Variants in RUNDC3B observed in about 807,000 individuals in gnomAD.
RUNDC3B encodes RUN domain containing 3B, also known as RUN domain-containing protein 3B.
In RUNDC3B, 33 loss-of-function variants were observed where a neutral mutation model predicts 58.4. That is an observed-to-expected ratio of 0.56 (90% CI 0.43 to 0.75). RUNDC3B has a LOEUF of 0.75. Ranked by LOEUF, RUNDC3B falls within the 30% of genes least tolerant of loss-of-function variation. The probability of loss-of-function intolerance (pLI) is 0.00; values close to 1 mark genes in which losing one functional copy is unlikely to be tolerated. For missense variants in RUNDC3B, 501 were observed against 535.7 expected, an observed-to-expected ratio of 0.94 and a Z score of 0.64; for synonymous variants, 193 against 195.2, an observed-to-expected ratio of 0.99 and a Z score of 0.10.
chr7:87,700,678 C>T lies in RUNDC3B; in HGVS notation c.372+124C>T, dbSNP rs1828952002. 4 of 842,268 alleles carry T rather than the reference C, an allele frequency of 4.7e-6. No homozygotes were observed. In the South Asian group the frequency reaches 7.5e-5, roughly 16 times the overall value. 52.2% of individuals were successfully genotyped at this position (842,268 alleles called of 1,614,324 possible). On this transcript the variant is annotated intron_variant, in intron 3 of 10. Coordinates refer to ENST00000394654, the MANE Select transcript of RUNDC3B (RefSeq NM_001134405.2). ...CTTAAGAAGCATAATAAAATACGTC[C>T]TGTTCTGTGATGTTTCTACATTTCT...
chr7:87,644,385 C>G (rs185465657), intron 1 of RUNDC3B, among the ~76,000 whole-genome samples: 9 of 152,242 alleles, frequency 5.9e-5, no homozygotes, highest in Admixed American at 2.6e-4. Flanking sequence ...ATTACCTCAC[C>G]CCTGTGTTAG....
At chr7:87,817,342 G>A (rs1193523235) in intron 10 of RUNDC3B, among the ~76,000 whole-genome samples, 1 of 152,158 alleles carries the variant, frequency 6.6e-6, no homozygotes, top group Non-Finnish European at 1.5e-5. Flanking sequence ...AGCAATCAGT[G>A]ACCTTTAAAA....
chr7:87,651,318 TA>T (rs2130375668), intron 2 of RUNDC3B, among the ~76,000 whole-genome samples: 1 of 152,264 alleles, frequency 6.6e-6, no homozygotes, highest in Admixed American at 6.5e-5. Flanking sequence ...GGTATCTTTG[TA>T]AATGTTTTAG....
At chr7:87,745,139 A>AAGCATCCC (rs1207853016) in intron 6 of RUNDC3B, among the ~76,000 whole-genome samples, 1 of 152,152 alleles carries the variant, frequency 6.6e-6, no homozygotes, top group Non-Finnish European at 1.5e-5. Context: ...GCATATGTTA[A>AAGCATCCC]AGCATCCCTG....
intron 3 of RUNDC3B, among the ~76,000 whole-genome samples, chr7:87,709,796 T>G (rs577908834): frequency 6.6e-6 from 1 of 152,266 alleles, no homozygotes; most frequent in African/African-American, 2.4e-5. Flanking sequence ...TTTTAGAGAT[T>G]TGTGAAAGAG....
At chr7:87,795,105 A>G (rs1459252788) in intron 8 of RUNDC3B, among the ~76,000 whole-genome samples, 2 of 152,224 alleles carry the variant, frequency 1.3e-5, no homozygotes. Context: ...AGCATAGGCA[A>G]CCAAAGCAAA....
At chr7:87,709,181 G>T (rs1036625048) in intron 3 of RUNDC3B, 5 of 883,712 alleles carry the variant, frequency 5.7e-6, no homozygotes, top group African/African-American at 3.6e-5. Context: ...GTTTTGTATG[G>T]ATTGAAATTA....
intron 2 of RUNDC3B, among the ~76,000 whole-genome samples, chr7:87,673,479 A>G (rs1826032042): frequency 6.6e-6 from 1 of 152,120 alleles, no homozygotes; most frequent in Admixed American, 6.5e-5. Flanking sequence ...AAGCATTGAG[A>G]TTCTTTCCTC....
intron 8 of RUNDC3B, among the ~76,000 whole-genome samples, chr7:87,800,642 T>C (rs887505628): frequency 6.6e-6 from 1 of 150,748 alleles, no homozygotes; most frequent in Non-Finnish European, 1.5e-5. Context: ...TCTCCACTCA[T>C]CTTTTCTTTT....
In RUNDC3B at chr7:87,786,297, A is replaced by C. The variant is rs187272861; in HGVS notation, c.956+8342A>C. Among the ~76,000 whole-genome samples, 913 of 152,318 alleles carry C rather than the reference A, an allele frequency of 6.0e-3. 15 individuals carry two copies. The highest frequency in any genetic ancestry group is 4.1e-3 in the Non-Finnish European group (276 of 68,020). On this transcript the variant is annotated intron_variant, in intron 8 of 10. Transcript: ENST00000394654. ...ACTTTGAGACTAAGTATCATAGACT[A>C]AAAATCATCATAAAAGATGATTTTT...
intron 2 of RUNDC3B, among the ~76,000 whole-genome samples, chr7:87,689,756 C>A (rs866149199): frequency 1.1e-4 from 16 of 152,206 alleles, no homozygotes; most frequent in Middle Eastern, 6.8e-3. Context: ...TTTTCAAAAT[C>A]ATTTTATGGT....
rs1016877552 is a variant in RUNDC3B at position 87,832,077 on chromosome 7, G to A, written c.*2047G>A. ...AATTCATCTGCTGTTATAAAATCAG[G>A]TTTCTACAGAGTTCGTTTCACACTA... On this transcript the variant is annotated 3_prime_UTR_variant, in exon 11 of 11. Coordinates refer to ENST00000394654, the MANE Select transcript of RUNDC3B (RefSeq NM_001134405.2). 2 of 151,734 alleles carry A rather than the reference G, an allele frequency of 1.3e-5. No homozygotes were observed. The highest frequency in any genetic ancestry group is 2.9e-5 in the Non-Finnish European group (2 of 67,842). 9.4% of individuals were successfully genotyped at this position (151,734 alleles called of 1,614,324 possible). A position where few individuals can be genotyped will look rare whatever the true frequency, so the allele number is the denominator to read the frequency against.
chr7:87,700,607 T>A, intron 3 of RUNDC3B, 53 bp downstream of exon 3: 1 of 1,540,204 alleles, frequency 6.5e-7, no homozygotes, highest in Non-Finnish European at 8.8e-7. Flanking sequence ...TGCATGTATT[T>A]GGAATAGCAG....
At chr7:87,680,930 G>C (rs1463156584) in intron 2 of RUNDC3B, among the ~76,000 whole-genome samples, 1 of 150,666 alleles carries the variant, frequency 6.6e-6, no homozygotes, top group African/African-American at 2.5e-5. Context: ...AATAATTGGT[G>C]ATATGAAAGG....
rs146322745 is a variant in RUNDC3B, at chr7:87,763,328, T to C, written c.630-7253T>C. The stretch of plus-strand genomic sequence containing the variant: ...ACTGTTTTATACTCTCAATATTTGT[T>C]TAGGTTTACCCATAAGTTTACCATT... On this transcript the variant is annotated intron_variant, in intron 6 of 10. Coordinates refer to ENST00000394654, the MANE Select transcript of RUNDC3B (RefSeq NM_001134405.2). 5.1e-3 allele frequency among the ~76,000 whole-genome samples: 780 copies of C among 151,800 alleles called. 9 individuals carry two copies. Among genetic ancestry groups the C allele is most frequent in the African/African-American group, 0.018 (731 of 41,530 alleles).
chr7:87,782,602 A>G (rs996012989), intron 8 of RUNDC3B, among the ~76,000 whole-genome samples: 1 of 152,126 alleles, frequency 6.6e-6, no homozygotes, highest in Non-Finnish European at 1.5e-5. Context: ...TGATGTAAAC[A>G]TTTAGTGATA....
rs562285731 is a variant in RUNDC3B at position 87,772,719 on chromosome 7, A to G, written c.798+1970A>G. Among the ~76,000 whole-genome samples the G allele has an allele frequency of 6.6e-5, 10 of 152,332 alleles. No homozygotes were observed. The East Asian group carries it at 1.9e-3, about 29-fold the overall frequency. Reference sequence around the variant, plus strand: ...AGGGAGCACATTAGAAAAAATAAAGATAGTGAAAAGAGAACGCAAAATGCA... The same window carrying G: ...AGGGAGCACATTAGAAAAAATAAAGGTAGTGAAAAGAGAACGCAAAATGCA... On this transcript the variant is annotated intron_variant, in intron 7 of 10. Transcript: ENST00000394654.
At chr7:87,707,628 C>T (rs1303954992) in intron 3 of RUNDC3B, among the ~76,000 whole-genome samples, 2 of 151,744 alleles carry the variant, frequency 1.3e-5, no homozygotes, top group East Asian at 3.9e-4. Flanking sequence ...GAGCTTAGAT[C>T]GCACCACTGC....
chr7:87,637,522 GA>G (rs750563294), intron 1 of RUNDC3B, among the ~76,000 whole-genome samples: 148 of 152,136 alleles, frequency 9.7e-4, no homozygotes, highest in South Asian at 3.1e-3. Context: ...CCATCTTTAT[GA>G]TATTAAGACT....
Sources: gnomAD v4.1 joint callset for allele counts (sites outside exome capture counted in the v4.1 genomes callset) on GRCh38, gnomAD v4.1.1 for gene constraint, MANE v1.5 for transcripts, NCBI Gene and HGNC (gene_info 2026-07-23, HGNC 2026-07-21) for gene names.